The following UBE2E2 variants were observed in gnomAD, a reference collection of about 807,000 sequenced individuals.
UBE2E2 encodes ubiquitin conjugating enzyme E2 E2.
A neutral mutation model predicts 24.7 loss-of-function variants in UBE2E2; 6 were observed. The ratio of observed to expected loss-of-function variants is 0.24; its 90% CI spans 0.13 to 0.48. The LOEUF is 0.48. Ranked by LOEUF, UBE2E2 falls within the 20% of genes least tolerant of loss-of-function variation. The pLI is 0.99. For synonymous variants in UBE2E2, 104 were observed against 83.6 expected (o/e 1.24, Z -1.33); for missense variants, 169 against 245.0 (o/e 0.69, Z 2.07).
intron 3 of UBE2E2, among the ~76,000 whole-genome samples, chr3:23,290,762 A>G (rs1698741029): frequency 6.6e-6 from 1 of 151,708 alleles, no homozygotes; most frequent in Non-Finnish European, 1.5e-5. Context: ...GGATTTAAAA[A>G]ATGTTTCTGG....
At chr3:23,571,554 C>G (rs565799753) in intron 5 of UBE2E2, among the ~76,000 whole-genome samples, 1 of 151,978 alleles carries the variant, frequency 6.6e-6, no homozygotes, top group Non-Finnish European at 1.5e-5. Context: ...TCCCAAAGTG[C>G]TGGGATTACA....
intron 2 of UBE2E2, among the ~76,000 whole-genome samples, chr3:23,213,480 C>T (rs984702871): frequency 2.0e-5 from 3 of 151,964 alleles, no homozygotes; most frequent in Middle Eastern, 3.2e-3. Context: ...ATTCCTGGAA[C>T]GGTTAAGGTA....
chr3:23,564,369 A>T lies in UBE2E2; in HGVS notation c.509-25365A>T, dbSNP rs140941322. Among the ~76,000 whole-genome samples the T allele has an allele frequency of 2.0e-3, 309 of 152,282 alleles. 5 individuals are homozygous for T. Among genetic ancestry groups the T allele is most frequent in the East Asian group, 0.015 (78 of 5,180 alleles). ...TCATTAAATCTCTCAGTGCAAGGGG[A>T]TGAATTAAACTTTATAAGGCTGCTA... is the stretch of plus-strand genomic sequence containing the variant. On this transcript the variant is annotated intron_variant, in intron 5 of 5. Transcript: ENST00000396703.
At chr3:23,488,065 A>G (rs1364984840) in intron 3 of UBE2E2, among the ~76,000 whole-genome samples, 1 of 152,134 alleles carries the variant, frequency 6.6e-6, no homozygotes, top group Non-Finnish European at 1.5e-5. Flanking sequence ...GTATGAAGAA[A>G]TTGTTTATTA....
intron 5 of UBE2E2, among the ~76,000 whole-genome samples, chr3:23,559,814 A>G (rs1695879462): frequency 6.6e-6 from 1 of 152,166 alleles, no homozygotes; most frequent in African/African-American, 2.4e-5. Flanking sequence ...CTTTATAGGA[A>G]TGGTTCTCCA....
intron 3 of UBE2E2, among the ~76,000 whole-genome samples, chr3:23,383,636 T>TTTTTTG (rs1553607118): frequency 6.6e-6 from 1 of 152,068 alleles, no homozygotes; most frequent in Admixed American, 6.5e-5. Flanking sequence ...ACTGAGGTTT[T>TTTTTTG]TTTTGTTTTG....
chr3:23,564,962 G>A (rs1385290894), intron 5 of UBE2E2, among the ~76,000 whole-genome samples: 1 of 152,152 alleles, frequency 6.6e-6, no homozygotes, highest in African/African-American at 2.4e-5. Context: ...AAAAGGTGCA[G>A]TTGTGTGCCA....
At chr3:23,254,500 G>C (rs1039747887) in intron 3 of UBE2E2, among the ~76,000 whole-genome samples, 1 of 152,170 alleles carries the variant, frequency 6.6e-6, no homozygotes, top group Non-Finnish European at 1.5e-5. Flanking sequence ...AGATGAAAAA[G>C]CCTGTGTTCT....
intron 3 of UBE2E2, among the ~76,000 whole-genome samples, chr3:23,234,331 T>G (rs1376068203): frequency 6.6e-6 from 1 of 152,110 alleles, no homozygotes; most frequent in East Asian, 1.9e-4. Context: ...GACTGGACTT[T>G]AGAGATTTTG....
chr3:23,309,035 C>T (rs1462657099), intron 3 of UBE2E2, among the ~76,000 whole-genome samples: 3 of 152,224 alleles, frequency 2.0e-5, no homozygotes, highest in African/African-American at 4.8e-5. Context: ...GAATATCCCC[C>T]TTCTGTCTGC....
chr3:23,335,811 G>A (rs937792994), intron 3 of UBE2E2, among the ~76,000 whole-genome samples: 6 of 152,172 alleles, frequency 3.9e-5, no homozygotes, highest in Non-Finnish European at 8.8e-5. Flanking sequence ...TGGGATTACA[G>A]GTGTGAGCCA....
chr3:23,230,184 A>G (rs954389855), intron 3 of UBE2E2, among the ~76,000 whole-genome samples: 4 of 152,180 alleles, frequency 2.6e-5, no homozygotes, highest in Admixed American at 6.5e-5. Flanking sequence ...AATTGGTTAG[A>G]TATTTATTTT....
intron 3 of UBE2E2, among the ~76,000 whole-genome samples, chr3:23,432,478 T>C (rs1356568699): frequency 6.6e-6 from 1 of 152,074 alleles, no homozygotes; most frequent in African/African-American, 2.4e-5. Flanking sequence ...TTAATATTTT[T>C]AATATTCAGA....
At chr3:23,285,443 A>C (rs1698594713) in intron 3 of UBE2E2, among the ~76,000 whole-genome samples, 1 of 152,074 alleles carries the variant, frequency 6.6e-6, no homozygotes, top group Admixed American at 6.5e-5. Flanking sequence ...TTTTTGAGCA[A>C]CCTCCAAACT....
At chr3:23,455,874 T>C (rs1470935569) in intron 3 of UBE2E2, among the ~76,000 whole-genome samples, 3 of 152,194 alleles carry the variant, frequency 2.0e-5, no homozygotes, top group Non-Finnish European at 4.4e-5. Flanking sequence ...AAAACAACGA[T>C]GAAATTTGTT....
At chr3:23,451,869 A>C (rs545198334) in intron 3 of UBE2E2, among the ~76,000 whole-genome samples, 30 of 152,334 alleles carry the variant, frequency 2.0e-4, no homozygotes, top group Admixed American at 7.8e-4. Context: ...GCAGTACCTA[A>C]AGGGTAAGAG....
In UBE2E2 at chr3:23,325,446, ACT is replaced by A. The variant is rs1694859537; in HGVS notation, c.227+108137_227+108138del. 2.6e-5 allele frequency among the ~76,000 whole-genome samples: 4 copies of A among 152,296 alleles called. No individual in the cohort carries two copies. In the South Asian group the frequency reaches 8.3e-4, roughly 32 times the overall value. ...AGAAGCTTTTTCTTGACTAGTGATG[ACT>A]CTTAAGATTTTACTGTTAGGATTTG... On this transcript the variant is annotated intron_variant, in intron 3 of 5. Coordinates refer to ENST00000396703, the MANE Select transcript of UBE2E2 (RefSeq NM_152653.4).
At chr3:23,400,711 A>T (rs1038066411) in intron 3 of UBE2E2, among the ~76,000 whole-genome samples, 33 of 152,082 alleles carry the variant, frequency 2.2e-4, no homozygotes, top group African/African-American at 7.7e-4. Flanking sequence ...AGAAAGCCAC[A>T]TTCCCTATCA....
intron 3 of UBE2E2, among the ~76,000 whole-genome samples, chr3:23,362,932 C>T (rs1389607630): frequency 2.2e-5 from 1 of 44,870 alleles, no homozygotes; most frequent in Non-Finnish European, 4.2e-5. Context: ...ATCAGGCTAA[C>T]AGTGAAAACA....
Sources: gnomAD v4.1 joint callset for allele counts (sites outside exome capture counted in the v4.1 genomes callset) on GRCh38, gnomAD v4.1.1 for gene constraint, MANE v1.5 for transcripts, NCBI Gene and HGNC (gene_info 2026-07-23, HGNC 2026-07-21) for gene names.